PCED1B: variants seen among roughly 807,000 people sequenced by gnomAD.
The protein encoded by PCED1B is PC-esterase domain containing 1B.
For missense variants in PCED1B, 573 were observed against 573.9 expected, an observed-to-expected ratio of 1.00 and a Z score of 0.02; for synonymous variants, 251 against 246.1, an observed-to-expected ratio of 1.02 and a Z score of -0.19.
At chr12:47,138,955 C>T (rs1940490060) in intron 2 of PCED1B, among the ~76,000 whole-genome samples, 1 of 152,168 alleles carries the variant, frequency 6.6e-6, no homozygotes, top group African/African-American at 2.4e-5. Context: ...CTTCTACCTC[C>T]TTTTACCTCC....
intron 2 of PCED1B, among the ~76,000 whole-genome samples, chr12:47,158,141 A>G (rs1697838421): frequency 6.6e-6 from 1 of 152,204 alleles, no homozygotes; most frequent in Non-Finnish European, 1.5e-5. Context: ...ATTTCTTTGA[A>G]TCTCTGCTTT....
intron 2 of PCED1B, among the ~76,000 whole-genome samples, chr12:47,114,318 TA>T (rs1313041258): frequency 6.6e-6 from 1 of 152,216 alleles, no homozygotes; most frequent in Non-Finnish European, 1.5e-5. Context: ...AAGTAAGTGA[TA>T]GAGTTTAGAT....
At chr12:47,109,110 C>T (rs1453403122) in intron 2 of PCED1B, among the ~76,000 whole-genome samples, 2 of 152,198 alleles carry the variant, frequency 1.3e-5, no homozygotes, top group Non-Finnish European at 2.9e-5. Context: ...CTTGATAGTA[C>T]TCTACTTATG....
At chr12:47,147,229 C>T (rs1270427418) in intron 2 of PCED1B, among the ~76,000 whole-genome samples, 1 of 152,060 alleles carries the variant, frequency 6.6e-6, no homozygotes, top group African/African-American at 2.4e-5. Flanking sequence ...ATTGGCCAGG[C>T]TGGTCTCAAA....
intron 2 of PCED1B, among the ~76,000 whole-genome samples, chr12:47,212,530 G>A (rs1943125146): frequency 6.6e-6 from 1 of 152,080 alleles, no homozygotes; most frequent in Non-Finnish European, 1.5e-5. Context: ...TCAGACAGTT[G>A]CTCAATCTCC....
chr12:47,205,146 GA>G (rs1942875583), intron 2 of PCED1B, among the ~76,000 whole-genome samples: 1 of 152,126 alleles, frequency 6.6e-6, no homozygotes, highest in African/African-American at 2.4e-5. Flanking sequence ...TAGGGGGTTG[GA>G]AAGTGGGGCG....
intron 2 of PCED1B, among the ~76,000 whole-genome samples, chr12:47,123,237 C>G (rs1369869178): frequency 2.0e-5 from 3 of 152,142 alleles, no homozygotes; most frequent in Non-Finnish European, 1.5e-5. Flanking sequence ...TTCTTAACAA[C>G]TTTTGTTAGG....
At chr12:47,129,089 C>T (rs1466871311) in intron 2 of PCED1B, among the ~76,000 whole-genome samples, 3 of 152,200 alleles carry the variant, frequency 2.0e-5, no homozygotes, top group African/African-American at 7.2e-5. Context: ...CAAACTAATT[C>T]AAATTCTCTT....
At chr12:47,135,790 G>A (rs1318744463) in intron 2 of PCED1B, 2 of 513,840 alleles carry the variant, frequency 3.9e-6, no homozygotes, top group Non-Finnish European at 7.8e-6. Context: ...GGAGGCACAG[G>A]GTTGTGGGGT....
chr12:47,206,099 C>G (rs1031206742), intron 2 of PCED1B: 1 of 152,202 alleles, frequency 6.6e-6, no homozygotes, highest in Non-Finnish European at 1.5e-5. Flanking sequence ...TCAGATGAAC[C>G]AGTTTACCGA....
At chr12:47,094,002 CT>C (rs1474640602) in intron 1 of PCED1B, among the ~76,000 whole-genome samples, 6 of 151,766 alleles carry the variant, frequency 4.0e-5, no homozygotes, top group African/African-American at 1.5e-4. Context: ...TTCACTTTTT[CT>C]GCTATGTGTT....
At chr12:47,164,844 C>G (rs1018844368) in intron 2 of PCED1B, among the ~76,000 whole-genome samples, 1 of 152,242 alleles carries the variant, frequency 6.6e-6, no homozygotes, top group Non-Finnish European at 1.5e-5. Context: ...TTTGAAGCAG[C>G]AGCCCAAGCT....
intron 2 of PCED1B, among the ~76,000 whole-genome samples, chr12:47,129,246 G>A (rs1940018318): frequency 6.6e-6 from 1 of 152,176 alleles, no homozygotes; most frequent in Non-Finnish European, 1.5e-5. Context: ...GCTGAGGCAG[G>A]TGGATCTCTT....
intron 1 of PCED1B, among the ~76,000 whole-genome samples, chr12:47,103,575 C>T (rs912705432): frequency 5.9e-5 from 9 of 151,648 alleles, no homozygotes; most frequent in African/African-American, 1.9e-4. Flanking sequence ...CCCACAGTAA[C>T]GTTTGGTCAA....
At chr12:47,158,383 G>T (rs969804410) in intron 2 of PCED1B, among the ~76,000 whole-genome samples, 2 of 152,070 alleles carry the variant, frequency 1.3e-5, no homozygotes, top group Non-Finnish European at 2.9e-5. Context: ...TCCAGTTTTC[G>T]ATTTGCATCT....
At chr12:47,133,888 T>C (rs1940235487) in intron 2 of PCED1B, among the ~76,000 whole-genome samples, 1 of 152,132 alleles carries the variant, frequency 6.6e-6, no homozygotes, top group African/African-American at 2.4e-5. Flanking sequence ...AGTGCCCTTA[T>C]AAAGGAGACT....
intron 3 of PCED1B, among the ~76,000 whole-genome samples, chr12:47,227,837 A>G (rs1232289869): frequency 6.6e-6 from 1 of 151,916 alleles, no homozygotes; most frequent in Non-Finnish European, 1.5e-5. Flanking sequence ...TGGGTGACAG[A>G]GCAAGACTCT....
intron 2 of PCED1B, among the ~76,000 whole-genome samples, chr12:47,192,173 GTT>G (rs60925090): frequency 8.0e-6 from 1 of 124,928 alleles, no homozygotes; most frequent in South Asian, 2.6e-4. Flanking sequence ...TTTTTTTTTT[GTT>G]TTTTTTTTTT....
intron 2 of PCED1B, among the ~76,000 whole-genome samples, chr12:47,133,325 G>A (rs1349224116): frequency 6.6e-6 from 1 of 152,182 alleles, no homozygotes; most frequent in Non-Finnish European, 1.5e-5. Flanking sequence ...CCCTATCCTA[G>A]AAGGATTTGA....
Sources: allele counts gnomAD v4.1 joint callset (sites outside exome capture counted in the v4.1 genomes callset), GRCh38; gene constraint gnomAD v4.1.1; transcripts MANE v1.5; gene names NCBI Gene and HGNC (gene_info 2026-07-23, HGNC 2026-07-21).